Variants in REV3L observed in about 807,000 individuals in gnomAD.
REV3L encodes the protein REV3 like, DNA directed polymerase zeta catalytic subunit.
REV3L carries 69 observed loss-of-function variants against 299.4 expected under a neutral mutation model. The ratio of observed to expected loss-of-function variants is 0.23; its 90% CI spans 0.19 to 0.28. REV3L has a LOEUF of 0.28. REV3L is among the 10% of genes least tolerant of loss of function. REV3L has a pLI of 1.00. For missense variants in REV3L, 3,128 were observed against 3,693.8 expected, an observed-to-expected ratio of 0.85 and a Z score of 3.97; for synonymous variants, 1,238 against 1,271.4, an observed-to-expected ratio of 0.97 and a Z score of 0.56.
At chr6:111,435,441 C>G (rs536011407) in intron 1 of REV3L, among the ~76,000 whole-genome samples, 1 of 152,084 alleles carries the variant, frequency 6.6e-6, no homozygotes, top group Non-Finnish European at 1.5e-5. Context: ...AATCAGCATG[C>G]TATTGGCATA....
intron 19 of REV3L, among the ~76,000 whole-genome samples, chr6:111,349,556 T>C (rs1777383010): frequency 1.3e-5 from 2 of 152,202 alleles, no homozygotes; most frequent in Non-Finnish European, 2.9e-5. Context: ...TTAGATTTGG[T>C]AATTTTTGGC....
At chr6:111,422,614 A>C (rs1321752255) in intron 1 of REV3L, among the ~76,000 whole-genome samples, 1 of 9,970 alleles carries the variant, frequency 1.0e-4, no homozygotes, top group African/African-American at 6.1e-4. Context: ...ATATATATAC[A>C]CATATATATA....
rs1456621753 is a variant in REV3L at position 111,372,701 on chromosome 6, G to T, written c.5654C>A (p.Pro1885Gln). 6 of 1,603,128 alleles carry T rather than the reference G, an allele frequency of 3.7e-6. No individual in the cohort carries two copies. The highest frequency in any genetic ancestry group is 1.1e-5 in the South Asian group (1 of 88,564). ...ANILKPLMSP[P>Q]SREEIMATLL... ...AGTTGCCATAATTTCTTCCCTACTTGGGGGGGACATAAGTGGTTTCAGAAT... is the reference window on the plus strand; with the variant it reads ...AGTTGCCATAATTTCTTCCCTACTTTGGGGGGACATAAGTGGTTTCAGAAT... Residue 1885 changes from proline (P) to glutamine (Q), a missense_variant, in exon 13 of 32, where the codon CCA becomes CAA. Physicochemically the swap from Pro to Gln is moderately conservative, Grantham distance 76. Transcript: ENST00000368802.
At chr6:111,326,475 G>A (rs946456604) in intron 25 of REV3L, among the ~76,000 whole-genome samples, 1 of 152,134 alleles carries the variant, frequency 6.6e-6, no homozygotes, top group African/African-American at 2.4e-5. Flanking sequence ...TGGCAAGGAT[G>A]TGGAGAAAGG....
At chr6:111,317,473 A>C (rs936901237) in intron 26 of REV3L, among the ~76,000 whole-genome samples, 6 of 152,118 alleles carry the variant, frequency 3.9e-5, no homozygotes, top group African/African-American at 1.4e-4. Context: ...ATGCTCATTT[A>C]TACCAATACT....
chr6:111,348,888 C>G (rs1480188342), intron 20 of REV3L: 1 of 161,356 alleles, frequency 6.2e-6, no homozygotes, highest in Non-Finnish European at 1.3e-5. Flanking sequence ...CTCCTGGGCT[C>G]AAGGGATGCC....
chr6:111,364,290 T>C (rs1778984261), intron 15 of REV3L, among the ~76,000 whole-genome samples: 2 of 149,354 alleles, frequency 1.3e-5, no homozygotes, highest in Admixed American at 1.3e-4. Context: ...TATCTTGACC[T>C]TTCTTGGAAG....
chr6:111,399,991 A>C (rs1782924224), intron 4 of REV3L, among the ~76,000 whole-genome samples: 1 of 152,134 alleles, frequency 6.6e-6, no homozygotes, highest in South Asian at 2.1e-4. Flanking sequence ...CCTTTTCCAG[A>C]ATGTCATGTG....
chr6:111,300,827 G>T (rs374475030), intron 31 of REV3L, among the ~76,000 whole-genome samples: 10 of 152,122 alleles, frequency 6.6e-5, no homozygotes, highest in African/African-American at 2.4e-4. Context: ...TGGTGATTGC[G>T]TTATCTGCAC....
intron 23 of REV3L, among the ~76,000 whole-genome samples, chr6:111,332,065 ATTTAT>A (rs569622910): frequency 1.6e-4 from 24 of 152,114 alleles, no homozygotes; most frequent in African/African-American, 4.1e-4. Flanking sequence ...TGATCATCTT[ATTTAT>A]TTTATTATTA....
Position 111,375,079 on chromosome 6 carries a change from G to GT in REV3L, c.3275dup (p.Tyr1092Ter). The GT allele has an allele frequency of 6.2e-7, 1 of 1,613,934 alleles. No homozygotes were observed. The highest frequency in any genetic ancestry group is 8.5e-7 in the Non-Finnish European group (1 of 1,179,898). The change falls in exon 13 of 32, where the codon TAC becomes TAAC. Residue 1092 changes from tyrosine (Y) to a stop codon, truncating the protein, a stop_gained and frameshift_variant. Transcript: ENST00000368802. LOFTEE classifies it high-confidence loss of function. The part of the protein sequence containing the change: ...HAILSPPSPS[Y>*]NAETEDCDLN... ...GGTCACAATCTTCGGTTTCAGCATT[G>GT]TAAGATGGTGAGGGAGGAGAAAGAA... is the stretch of plus-strand genomic sequence containing the variant.
chr6:111,336,076 T>TTTTG (rs1775868802), intron 21 of REV3L, among the ~76,000 whole-genome samples: 1 of 150,538 alleles, frequency 6.6e-6, no homozygotes. Context: ...AAAAAAAGAG[T>TTTTG]AATTTGGTGA....
chr6:111,481,289 A>G (rs1199129229), intron 1 of REV3L, among the ~76,000 whole-genome samples: 4 of 152,182 alleles, frequency 2.6e-5, no homozygotes, highest in Admixed American at 2.6e-4. Context: ...TGAAATTCCA[A>G]TTGGAAACAA....
chr6:111,420,323 C>T (rs992223124), intron 1 of REV3L, among the ~76,000 whole-genome samples: 3 of 152,090 alleles, frequency 2.0e-5, no homozygotes, highest in Admixed American at 6.6e-5. Context: ...ATGATTAAGT[C>T]GAGCTAACAT....
chr6:111,405,213 T>C (rs1783500765), intron 4 of REV3L, among the ~76,000 whole-genome samples: 1 of 152,142 alleles, frequency 6.6e-6, no homozygotes, highest in Non-Finnish European at 1.5e-5. Context: ...AGGTAGCCTG[T>C]ATACTAAAAA....
Position 111,390,026 on chromosome 6 carries a change from A to AT in REV3L, c.757+59_757+60insA, listed in dbSNP as rs1162436139. 30 of 1,123,110 alleles carry AT rather than the reference A, an allele frequency of 2.7e-5. No individual in the cohort carries two copies. In the South Asian group the frequency reaches 3.9e-4, roughly 15 times the overall value. 69.6% of individuals were successfully genotyped at this position (1,123,110 alleles called of 1,614,324 possible). A position where few individuals can be genotyped will look rare whatever the true frequency, so the allele number is the denominator to read the frequency against. ...TGGGATTACAGGCGTGAGCCACCAC[A>AT]CCCGCCGGTCATTAATTTTAAAAAA... On this transcript the variant is annotated intron_variant, in intron 6 of 31. Transcript: ENST00000368802.
At chr6:111,422,613 CACATATATAT>C (rs1785566142) in intron 1 of REV3L, among the ~76,000 whole-genome samples, 3 of 7,186 alleles carry the variant, frequency 4.2e-4, no homozygotes, top group East Asian at 3.7e-3. Flanking sequence ...TATATATATA[CACATATATAT>C]ATATATACAC....
Position 111,299,897 on chromosome 6 carries a change from T to G in REV3L, c.*119A>C, listed in dbSNP as rs1452000748. 4.2e-6 allele frequency: 4 copies of G among 950,712 alleles called. No individual in the cohort carries two copies. The highest frequency in any genetic ancestry group is 6.2e-6 in the Non-Finnish European group (4 of 647,980). 58.9% of individuals were successfully genotyped at this position (950,712 alleles called of 1,614,324 possible). A position where few individuals can be genotyped will look rare whatever the true frequency, so the allele number is the denominator to read the frequency against. ...TCGGTTAGCATAGAAGTCTTCATAG[T>G]CTTCAGATAACAGACAGTGAACATC... On this transcript the variant is annotated 3_prime_UTR_variant, in exon 32 of 32. Transcript: ENST00000368802.
chr6:111,334,130 G>A (rs11963081), intron 22 of REV3L, among the ~76,000 whole-genome samples: 3,710 of 152,100 alleles, frequency 0.024, 58 homozygotes, highest in Admixed American at 0.063. Context: ...GTAGAGATGG[G>A]GTTTCATCAT....
Sources: allele counts gnomAD v4.1 joint callset (sites outside exome capture counted in the v4.1 genomes callset), GRCh38; gene constraint gnomAD v4.1.1; transcripts MANE v1.5; gene names NCBI Gene and HGNC (gene_info 2026-07-23, HGNC 2026-07-21).